Variants in CTSK observed in about 807,000 individuals in gnomAD.
CTSK encodes cathepsin K.
CTSK carries 26 observed loss-of-function variants against 40.5 expected under a neutral mutation model. The observed-to-expected ratio is 0.64, with a 90% CI of 0.47 to 0.89. The LOEUF is 0.89. CTSK is among the 40% of genes least tolerant of loss of function. The pLI is 0.00. For missense variants in CTSK, 292 were observed against 400.1 expected (o/e 0.73, Z 2.30); for synonymous variants, 132 against 143.2 (o/e 0.92, Z 0.56).
At position 150,796,756 on chromosome 1, in the gene CTSK, C is replaced by T. The variant is rs768142570; in HGVS notation, c.*43G>A. On this transcript the variant is annotated 3_prime_UTR_variant, in exon 8 of 8. Coordinates refer to ENST00000271651, the MANE Select transcript of CTSK (RefSeq NM_000396.4). ...AAAGTGCATCGTTACACTGCACCAT[C>T]GTGGAAGAAATGGAAGAGCAGGATG... 3.2e-5 allele frequency: 44 copies of T among 1,366,532 alleles called. 1 individual carries two copies. In the Admixed American group the frequency reaches 6.4e-4, roughly 20 times the overall value. 84.7% of individuals were successfully genotyped at this position (1,366,532 alleles called of 1,614,324 possible). A position where few individuals can be genotyped will look rare whatever the true frequency, so the allele number is the denominator to read the frequency against.
At chr1:150,805,225 A>T (rs1408447629) in intron 4 of CTSK, among the ~76,000 whole-genome samples, 2 of 131,494 alleles carry the variant, frequency 1.5e-5, no homozygotes, top group South Asian at 2.8e-4. Context: ...AAAAAAAAAA[A>T]TTTGGGGGGG....
At position 150,796,776 on chromosome 1, in the gene CTSK, A is replaced by G; in HGVS notation, c.*23T>C. 6.6e-7 allele frequency: 1 copy of G among 1,505,882 alleles called. No individual in the cohort carries two copies. The highest frequency in any genetic ancestry group is 9.2e-7 in the Non-Finnish European group (1 of 1,081,184). 93.3% of individuals were successfully genotyped at this position (1,505,882 alleles called of 1,614,324 possible). On this transcript the variant is annotated 3_prime_UTR_variant, in exon 8 of 8. Transcript: ENST00000271651. ...ACCATCGTGGAAGAAATGGAAGAGCAGGATGGATTTGGCTGGCTGGAGTCA... is the reference window on the plus strand; with the variant it reads ...ACCATCGTGGAAGAAATGGAAGAGCGGGATGGATTTGGCTGGCTGGAGTCA...
chr1:150,807,514 C>G, intron 1 of CTSK: 1 of 366,608 alleles, frequency 2.7e-6, no homozygotes, highest in Non-Finnish European at 5.4e-6. Context: ...TTTATTTTTC[C>G]CCTAACAACA....
rs761635015 is a variant in CTSK at position 150,806,239 on chromosome 1, G to C, written c.121-15C>G. ...ATTTCATCCACCTAAACAAAGCATA[G>C]TCAGTACTTGTATAGACTGTCTACA... On this transcript the variant is annotated splice_polypyrimidine_tract_variant and intron_variant, in intron 2 of 7. Transcript: ENST00000271651. 15 of 1,613,544 alleles carry C rather than the reference G, an allele frequency of 9.3e-6. No individual in the cohort carries two copies. In the Admixed American group the frequency reaches 2.3e-4, roughly 25 times the overall value.
rs201938306 is a variant in CTSK at position 150,806,667 on chromosome 1, C to T, written c.120+19G>A. ...AGGTCTCAGCCTTCCTGCCATGCCC[C>T]CTCCAGGACCCCAGGCACCTTGTTG... On this transcript the variant is annotated intron_variant, in intron 2 of 7. Coordinates refer to ENST00000271651, the MANE Select transcript of CTSK (RefSeq NM_000396.4). 2.9e-4 allele frequency: 465 copies of T among 1,613,538 alleles called. No individual in the cohort carries two copies. The highest frequency in any genetic ancestry group is 1.2e-3 in the Middle Eastern group (7 of 5,648).
At chr1:150,806,954 T>C in intron 1 of CTSK, 148 bp from the exon 2 acceptor site, 3 of 938,772 alleles carry the variant, frequency 3.2e-6, no homozygotes, top group Non-Finnish European at 5.0e-6. Flanking sequence ...AGGATGCTGG[T>C]ACATCTGGTT....
In CTSK at chr1:150,806,128, G is replaced by A. The variant is rs1654087491; in HGVS notation, c.217C>T (p.Leu73=). ...ATGTCCCCCAGGTGGTTCATAGCCA[G>A]TTCATATGTATGGACACCAAGAGAA... ...EASLGVHTYE[L]AMNHLGDMTS... is the part of the protein sequence containing the mutation. Residue 73 remains leucine (L), a synonymous_variant, in exon 3 of 8, where the codon CTG becomes TTG. Transcript: ENST00000271651. The A allele has an allele frequency of 6.2e-7, 1 of 1,614,200 alleles. No homozygotes were observed. Among genetic ancestry groups the A allele is most frequent in the Non-Finnish European group, 8.5e-7 (1 of 1,180,038 alleles).
intron 7 of CTSK, 25 bp from the exon 8 acceptor site, chr1:150,796,923 C>T: frequency 7.1e-7 from 1 of 1,411,924 alleles, no homozygotes; most frequent in Non-Finnish European, 1.0e-6. Context: ...AAGAAAAATA[C>T]TTAGTACTCT....
chr1:150,802,501 C>T (rs866593751), intron 5 of CTSK, among the ~76,000 whole-genome samples: 20 of 152,114 alleles, frequency 1.3e-4, no homozygotes, highest in Admixed American at 3.3e-4. Flanking sequence ...TCACAGCAGC[C>T]TTGAACTCCC....
intron 4 of CTSK, among the ~76,000 whole-genome samples, chr1:150,805,537 G>T (rs944109546): frequency 6.6e-6 from 1 of 151,012 alleles, no homozygotes; most frequent in East Asian, 1.9e-4. Context: ...TACTCAGGAG[G>T]CTGAGGCAGG....
At chr1:150,800,124 G>T (rs1404093059) in intron 5 of CTSK, among the ~76,000 whole-genome samples, 2 of 139,744 alleles carry the variant, frequency 1.4e-5, no homozygotes, top group Non-Finnish European at 3.0e-5. Flanking sequence ...GTGAACCTGG[G>T]AGGCAGACCT....
At chr1:150,805,803 A>G in intron 4 of CTSK, 58 bp downstream of exon 4, 1 of 1,588,076 alleles carries the variant, frequency 6.3e-7, no homozygotes, top group Non-Finnish European at 8.6e-7. Flanking sequence ...ACAAAGCAGC[A>G]GAAAAAGGAA....
chr1:150,796,969 T>C (rs189277522), intron 7 of CTSK, 71 bp from the exon 8 acceptor site: 2 of 1,079,006 alleles, frequency 1.9e-6, no homozygotes, highest in Admixed American at 1.7e-5. Context: ...TACTGAGTAT[T>C]GTGCGAGGTA....
rs780461752 is a variant in CTSK at position 150,805,959 on chromosome 1, G to A, written c.301C>T (p.Arg101Cys). 23 of 1,613,898 alleles carry A rather than the reference G, an allele frequency of 1.4e-5. No homozygotes were observed. The highest frequency in any genetic ancestry group is 7.7e-5 in the South Asian group (7 of 91,068). ...TGLKVPLSHS[R>C]SNDTLYIPEW... Reference sequence around the variant, plus strand: ...GGGATATAAAGGGTGTCATTACTGCGGGAATGAGACAGGGGTACTTTGAGT... The same window carrying A: ...GGGATATAAAGGGTGTCATTACTGCAGGAATGAGACAGGGGTACTTTGAGT... The change falls in exon 4 of 8, where the codon CGC becomes TGC. Residue 101 changes from arginine to cysteine, a missense_variant. Transcript: ENST00000271651.
intron 5 of CTSK, among the ~76,000 whole-genome samples, chr1:150,801,600 G>A (rs1307658773): frequency 1.3e-5 from 2 of 150,128 alleles, no homozygotes; most frequent in Non-Finnish European, 3.0e-5. Flanking sequence ...GTGCAGTGGT[G>A]CAATCTCGGC....
chr1:150,802,628 G>T (rs754617360), intron 5 of CTSK, among the ~76,000 whole-genome samples: 7 of 152,072 alleles, frequency 4.6e-5, no homozygotes, highest in Non-Finnish European at 8.8e-5. Context: ...TGTTGTACCA[G>T]GCTGATCTGG....
At chr1:150,799,338 G>C in intron 6 of CTSK, 65 bp from the exon 7 acceptor site, 1 of 1,329,098 alleles carries the variant, frequency 7.5e-7, no homozygotes. Flanking sequence ...GGATCTCCCA[G>C]TCTAGGAGAC....
At chr1:150,801,771 C>T (rs1214168779) in intron 5 of CTSK, among the ~76,000 whole-genome samples, 4 of 151,272 alleles carry the variant, frequency 2.6e-5, no homozygotes, top group African/African-American at 7.3e-5. Flanking sequence ...GATCTCCTGA[C>T]CTTGTGATCC....
rs956881073 is a variant in CTSK, at chr1:150,796,748, T to C, written c.*51A>G. The C allele has an allele frequency of 7.8e-7, 1 of 1,275,190 alleles. No homozygotes were observed. The highest frequency in any genetic ancestry group is 1.5e-5 in the African/African-American group (1 of 68,354). 79.0% of individuals were successfully genotyped at this position (1,275,190 alleles called of 1,614,324 possible). A position where few individuals can be genotyped will look rare whatever the true frequency, so the allele number is the denominator to read the frequency against. On this transcript the variant is annotated 3_prime_UTR_variant, in exon 8 of 8. Coordinates refer to ENST00000271651, the MANE Select transcript of CTSK (RefSeq NM_000396.4). ...TCCCTTCCAAAGTGCATCGTTACAC[T>C]GCACCATCGTGGAAGAAATGGAAGA...
Sources: gnomAD v4.1 joint callset for allele counts (sites outside exome capture counted in the v4.1 genomes callset) on GRCh38, gnomAD v4.1.1 for gene constraint, MANE v1.5 for transcripts, NCBI Gene and HGNC (gene_info 2026-07-23, HGNC 2026-07-21) for gene names.